Variants in WNK1 observed in about 807,000 individuals in gnomAD.
WNK1 encodes the protein serine/threonine-protein kinase WNK1.
A neutral mutation model predicts 222.8 loss-of-function variants in WNK1; 38 were observed. The observed-to-expected ratio is 0.17, with a 90% CI of 0.13 to 0.22. WNK1 has a LOEUF of 0.22. WNK1 is among the 10% of genes least tolerant of loss of function. The pLI is 1.00. For missense variants in WNK1, 2,348 were observed against 2,918.4 expected (o/e 0.80, Z 4.50); for synonymous variants, 1,090 against 1,092.9 (o/e 1.00, Z 0.05).
At chr12:873,837 A>G (rs1952377119) in intron 9 of WNK1, among the ~76,000 whole-genome samples, 2 of 152,124 alleles carry the variant, frequency 1.3e-5, no homozygotes, top group Admixed American at 6.5e-5. Context: ...TATTTTAGTG[A>G]GGAAAGAAAT....
chr12:838,107 GTGTA>G (rs1239018043), intron 4 of WNK1, among the ~76,000 whole-genome samples: 5 of 139,184 alleles, frequency 3.6e-5, no homozygotes, highest in East Asian at 4.8e-4. Flanking sequence ...GTGTGTGTGT[GTGTA>G]TGTATAAACA....
rs369737438 is a variant in WNK1 at position 753,915 on chromosome 12, C to T, written c.350C>T (p.Pro117Leu). The T allele has an allele frequency of 1.9e-6, 3 of 1,609,302 alleles. No individual in the cohort carries two copies. Among genetic ancestry groups the T allele is most frequent in the South Asian group, 1.1e-5 (1 of 90,824 alleles). ...GCGGCTGTCCCGCAGAGTGCTCCAC[C>T]GGAGCCCCACCGGGAAGAGACCGTG... ...IPAAVPQSAPPEPHREETVTA... is the reference protein window; with the variant it reads ...IPAAVPQSAPLEPHREETVTA... The change falls in exon 1 of 28, where the codon CCG (proline) becomes CTG (leucine). Residue 117 changes from proline to leucine, a missense_variant. Around this residue, in one of 13 missense-constraint regions of WNK1, gnomAD observed 185 missense variants for 159.2 expected, o/e 1.16. Transcript: ENST00000315939. This position sits in a 1 kb window ranked among gnomAD's most constrained non-coding sequence, Gnocchi z 5.2.
intron 26 of WNK1, among the ~76,000 whole-genome samples, chr12:902,064 G>A (rs985355689): frequency 3.3e-5 from 5 of 151,790 alleles, no homozygotes; most frequent in African/African-American, 7.3e-5. Context: ...TTGGGAGGCC[G>A]AGGCGGGAAG....
At chr12:799,612 C>T (rs928704226) in intron 1 of WNK1, among the ~76,000 whole-genome samples, 12 of 152,290 alleles carry the variant, frequency 7.9e-5, no homozygotes, top group African/African-American at 2.9e-4. Flanking sequence ...GAGGCTGAAA[C>T]AGGAGGATAG....
At chr12:891,536 G>T (rs1355008885) in intron 22 of WNK1, among the ~76,000 whole-genome samples, 3 of 151,468 alleles carry the variant, frequency 2.0e-5, no homozygotes, top group African/African-American at 2.4e-5. Flanking sequence ...TAAAGTCCAA[G>T]TGGACCAAAG....
chr12:890,731 A>G (rs1424041903), intron 22 of WNK1, among the ~76,000 whole-genome samples: 2 of 152,246 alleles, frequency 1.3e-5, no homozygotes, highest in East Asian at 1.9e-4. Flanking sequence ...AAGACCCTTC[A>G]TTATTAGCTA....
intron 1 of WNK1, among the ~76,000 whole-genome samples, chr12:804,935 AATATTAT>A (rs896943483): frequency 1.7e-3 from 71 of 42,064 alleles, no homozygotes; most frequent in Middle Eastern, 0.013. Flanking sequence ...ATATTTTATA[AATATTAT>A]ATATATATAA....
chr12:846,304 T>G (rs896703484), intron 4 of WNK1, among the ~76,000 whole-genome samples: 2 of 152,142 alleles, frequency 1.3e-5, no homozygotes, highest in Admixed American at 6.5e-5. Context: ...CCACTGATAA[T>G]GAGAAGATCC....
At chr12:760,541 T>C (rs888236382) in intron 1 of WNK1, among the ~76,000 whole-genome samples, 1 of 147,940 alleles carries the variant, frequency 6.8e-6, no homozygotes, top group African/African-American at 2.4e-5. Flanking sequence ...TATAACAGAA[T>C]ACTTAAATAT....
At chr12:861,781 G>A (rs1339047732) in intron 7 of WNK1, among the ~76,000 whole-genome samples, 1 of 152,116 alleles carries the variant, frequency 6.6e-6, no homozygotes, top group Non-Finnish European at 1.5e-5. Context: ...TTAATACTGA[G>A]AACCTCCTGG....
At chr12:875,313 C>T (rs1261865823) in intron 9 of WNK1, among the ~76,000 whole-genome samples, 2 of 152,132 alleles carry the variant, frequency 1.3e-5, no homozygotes, top group African/African-American at 4.8e-5. Flanking sequence ...TGTATTCAGA[C>T]CTTTATCGTA....
At position 896,886 on chromosome 12, in the gene WNK1, C is replaced by CCACACACACACACACA. The variant is rs34202153; in HGVS notation, c.6245+192_6245+207dup. ...AGAAGCCCCACCCCATACCTCCCCA[C>CCACACACACACACACA]CACACACACACACACACACACACAC... On this transcript the variant is annotated intron_variant, in intron 24 of 27. Coordinates refer to ENST00000315939, the MANE Select transcript of WNK1 (RefSeq NM_018979.4). Among the ~76,000 whole-genome samples, 26 of 134,624 alleles carry CCACACACACACACACA rather than the reference C, an allele frequency of 1.9e-4. 1 individual carries two copies. The highest frequency in any genetic ancestry group is 7.6e-4 in the African/African-American group (26 of 34,102). The allele number at this position is 134,624 out of a possible 152,430, so 88.3% of individuals were successfully genotyped here. A position where few individuals can be genotyped will look rare whatever the true frequency, so the allele number is the denominator to read the frequency against.
Position 885,076 on chromosome 12 carries a change from A to G in WNK1, c.4272A>G (p.Ile1424Met), listed in dbSNP as rs1246212663. The stretch of plus-strand genomic sequence containing the variant: ...TCACAATACCTGCAGTTGTCTCAAT[A>G]TCTACTACATCCCCGTCACTTCAAG... ...SSITIPAVVS[I>M]STTSPSLQVP... Residue 1424 changes from isoleucine to methionine, a missense_variant, in exon 19 of 28, where the codon ATA becomes ATG. Coordinates refer to ENST00000315939, the MANE Select transcript of WNK1 (RefSeq NM_018979.4). 16 of 1,614,068 alleles carry G rather than the reference A, an allele frequency of 9.9e-6. No individual in the cohort carries two copies. The highest frequency in any genetic ancestry group is 1.4e-5 in the Non-Finnish European group (16 of 1,180,038).
At chr12:850,761 G>A (rs907394468) in intron 4 of WNK1, among the ~76,000 whole-genome samples, 1 of 152,170 alleles carries the variant, frequency 6.6e-6, no homozygotes, top group Admixed American at 6.5e-5. Context: ...GTGTAAGGAA[G>A]GGATCCAGTT....
At chr12:841,910 A>G (rs1181305181) in intron 4 of WNK1, among the ~76,000 whole-genome samples, 1 of 152,212 alleles carries the variant, frequency 6.6e-6, no homozygotes, top group Non-Finnish European at 1.5e-5. Flanking sequence ...TCACCTCTTA[A>G]TACTGTCTCA....
In WNK1 at chr12:813,824, T is replaced by G; in HGVS notation, c.932+10T>G. 6.2e-7 allele frequency: 1 copy of G among 1,613,244 alleles called. No individual in the cohort carries two copies. The highest frequency in any genetic ancestry group is 1.1e-5 in the South Asian group (1 of 90,978). ...CTGGAACACTTAAAACGTAAGTTCA[T>G]CAGTATTACAAAAGCTGACCAAGAA... On this transcript the variant is annotated intron_variant, in intron 2 of 27. Transcript: ENST00000315939.
intron 1 of WNK1, among the ~76,000 whole-genome samples, chr12:807,711 C>CT (rs869122990): frequency 0.045 from 3,507 of 78,752 alleles, 541 homozygotes; most frequent in African/African-American, 0.087. Context: ...AGCAATAATT[C>CT]TTTTTTTTTT....
chr12:801,472 C>T (rs1004617073), intron 1 of WNK1, among the ~76,000 whole-genome samples: 14 of 149,554 alleles, frequency 9.4e-5, no homozygotes, highest in Non-Finnish European at 7.4e-5. Flanking sequence ...TGTAGTGGCA[C>T]GATCACACTC....
Position 868,703 on chromosome 12 carries a change from C to T in WNK1, c.2140-2562C>T, listed in dbSNP as rs1383005865. ...TTTACCTCAGCGTGTTTACCGAAATCGGCAGGTTGCAGTGGACTTGAATCA... is the reference window on the plus strand; with the variant it reads ...TTTACCTCAGCGTGTTTACCGAAATTGGCAGGTTGCAGTGGACTTGAATCA... On this transcript the variant is annotated intron_variant, in intron 8 of 27. Coordinates refer to ENST00000315939, the MANE Select transcript of WNK1 (RefSeq NM_018979.4). The T allele has an allele frequency of 5.6e-6, 9 of 1,613,772 alleles. No homozygotes were observed. Among genetic ancestry groups the T allele is most frequent in the Admixed American group, 1.7e-5 (1 of 60,002 alleles).
Sources: allele counts gnomAD v4.1 joint callset (sites outside exome capture counted in the v4.1 genomes callset), GRCh38; gene constraint gnomAD v4.1.1; regional missense constraint gnomAD v4.1.1; non-coding constraint Gnocchi (gnomAD v3.1); transcripts MANE v1.5; gene names NCBI Gene and HGNC (gene_info 2026-07-23, HGNC 2026-07-21).